PDE10A: variants seen among roughly 807,000 people sequenced by gnomAD.
PDE10A encodes cAMP and cAMP-inhibited cGMP 3',5'-cyclic phosphodiesterase 10A.
A neutral mutation model predicts 97.7 loss-of-function variants in PDE10A; 39 were observed. That is an observed-to-expected ratio of 0.40 (90% confidence interval 0.31 to 0.52). The LOEUF is 0.52. PDE10A is among the 20% of genes least tolerant of loss of function. PDE10A has a pLI of 0.56. For missense variants in PDE10A, 731 were observed against 1,047.8 expected (o/e 0.70, Z 4.17); for synonymous variants, 371 against 376.8 (o/e 0.98, Z 0.18).
chr6:165,947,648 T>G (rs1364359907), intron 1 of PDE10A, among the ~76,000 whole-genome samples: 1 of 152,218 alleles, frequency 6.6e-6, no homozygotes, highest in Non-Finnish European at 1.5e-5. Context: ...CATAAACGTA[T>G]TTTCCTAGCT....
chr6:165,488,357 G>A (rs1239724313), intron 2 of PDE10A, among the ~76,000 whole-genome samples: 2 of 152,140 alleles, frequency 1.3e-5, no homozygotes, highest in East Asian at 1.9e-4. Context: ...AAATAAATGC[G>A]CTAAGGGGAT....
chr6:165,730,506 C>A (rs1792403037), intron 1 of PDE10A, among the ~76,000 whole-genome samples: 1 of 152,178 alleles, frequency 6.6e-6, no homozygotes, highest in African/African-American at 2.4e-5. Flanking sequence ...AATCCCAGCA[C>A]TTTGGGAGCT....
intron 1 of PDE10A, among the ~76,000 whole-genome samples, chr6:165,604,907 T>C (rs1047670450): frequency 2.6e-5 from 4 of 152,198 alleles, no homozygotes; most frequent in Admixed American, 6.5e-5. Context: ...AAGTGAATAA[T>C]TCCTACACAG....
intron 1 of PDE10A, among the ~76,000 whole-genome samples, chr6:165,828,084 T>C (rs754970411): frequency 2.0e-5 from 3 of 152,206 alleles, no homozygotes; most frequent in South Asian, 2.1e-4. Context: ...GATTACCCAT[T>C]TGCAGAAGAA....
intron 1 of PDE10A, among the ~76,000 whole-genome samples, chr6:165,626,594 C>T (rs918557349): frequency 6.6e-6 from 1 of 152,178 alleles, no homozygotes; most frequent in Non-Finnish European, 1.5e-5. Flanking sequence ...TCTTTCACAG[C>T]TTACCTAAAA....
chr6:165,955,186 T>A (rs1784099090), intron 1 of PDE10A, among the ~76,000 whole-genome samples: 1 of 152,176 alleles, frequency 6.6e-6, no homozygotes, highest in Non-Finnish European at 1.5e-5. Flanking sequence ...CCCCAAGTTC[T>A]CCACATAGCC....
chr6:165,914,815 G>T (rs1357499916), intron 1 of PDE10A, among the ~76,000 whole-genome samples: 1 of 152,172 alleles, frequency 6.6e-6, no homozygotes, highest in Non-Finnish European at 1.5e-5. Flanking sequence ...GAAGTGTGGG[G>T]TATCTTAAAC....
chr6:165,930,085 T>C (rs1288302035), intron 1 of PDE10A, among the ~76,000 whole-genome samples: 2 of 139,572 alleles, frequency 1.4e-5, no homozygotes, highest in Non-Finnish European at 3.1e-5. Flanking sequence ...ACCAGGCACA[T>C]ATCACTCCAG....
chr6:165,831,781 G>A (rs1779926104), intron 1 of PDE10A, among the ~76,000 whole-genome samples: 1 of 152,044 alleles, frequency 6.6e-6, no homozygotes, highest in Non-Finnish European at 1.5e-5. Context: ...CACTGCACCC[G>A]GCCGCAGGAA....
chr6:165,839,679 C>T (rs1180807664), intron 1 of PDE10A, among the ~76,000 whole-genome samples: 3 of 125,332 alleles, frequency 2.4e-5, no homozygotes, highest in Non-Finnish European at 5.2e-5. Context: ...ATCCTGATGT[C>T]CGTGTCCATC....
chr6:165,895,493 T>C (rs1477888399), intron 1 of PDE10A, among the ~76,000 whole-genome samples: 1 of 152,210 alleles, frequency 6.6e-6, no homozygotes, highest in Non-Finnish European at 1.5e-5. Flanking sequence ...ACTTCTGGCC[T>C]CCACAACTGA....
chr6:165,433,791 G>A lies in PDE10A; in HGVS notation c.1336-662C>T, dbSNP rs190330908. ...AGCACTTTGGGAGGCCGAGGTGGGC[G>A]GATCACGAGGTCAGGAGATCGAGAC... On this transcript the variant is annotated intron_variant, in intron 6 of 21. Transcript: ENST00000539869. Among the ~76,000 whole-genome samples, 769 of 151,934 alleles carry A rather than the reference G, an allele frequency of 5.1e-3. 7 individuals are homozygous for A. The highest frequency in any genetic ancestry group is 3.8e-3 in the Non-Finnish European group (261 of 67,966).
intron 1 of PDE10A, among the ~76,000 whole-genome samples, chr6:165,826,876 A>T (rs1366647927): frequency 6.6e-6 from 1 of 151,368 alleles, no homozygotes; most frequent in Admixed American, 6.6e-5. Context: ...GGAGGGGCAC[A>T]GTGAGAGAGA....
intron 1 of PDE10A, among the ~76,000 whole-genome samples, chr6:165,721,680 C>T (rs531592249): frequency 4.1e-4 from 62 of 152,298 alleles, no homozygotes; most frequent in African/African-American, 1.4e-3. Context: ...CATTCCCATT[C>T]GAGAGAGATC....
chr6:165,896,285 G>A (rs528991329), intron 1 of PDE10A, among the ~76,000 whole-genome samples: 143 of 152,204 alleles, frequency 9.4e-4, no homozygotes, highest in Non-Finnish European at 1.4e-3. Context: ...ATTGAGGACA[G>A]CTTCCATGAC....
rs564851371 is a variant in PDE10A at position 165,371,285 on chromosome 6, C to A, written c.2783+7909G>T. Among the ~76,000 whole-genome samples the A allele has an allele frequency of 5.3e-5, 8 of 152,102 alleles. No individual in the cohort carries two copies. The East Asian group carries it at 1.2e-3, about 22-fold the overall frequency. On this transcript the variant is annotated intron_variant, in intron 18 of 21. Transcript: ENST00000539869. ...AAAACATTTCAAAAAATTAATGAAT[C>A]CAGGAGCTGGTTTTTTGAAAGGATC...
chr6:165,558,792 T>C (rs983263053), intron 1 of PDE10A, among the ~76,000 whole-genome samples: 4 of 152,054 alleles, frequency 2.6e-5, no homozygotes, highest in African/African-American at 9.7e-5. Flanking sequence ...AATAGTTAGA[T>C]GGATAAGCAT....
chr6:165,961,859 A>T (rs886102201), intron 1 of PDE10A, among the ~76,000 whole-genome samples: 3 of 152,202 alleles, frequency 2.0e-5, no homozygotes, highest in Non-Finnish European at 4.4e-5. Context: ...TCCACCCTCC[A>T]TCTGGGCACA....
At chr6:165,680,795 T>G (rs1474216744) in intron 1 of PDE10A, among the ~76,000 whole-genome samples, 1 of 152,108 alleles carries the variant, frequency 6.6e-6, no homozygotes, top group African/African-American at 2.4e-5. Flanking sequence ...TCCCAGCTAC[T>G]ATCGCTCGAA....
Sources: allele counts gnomAD v4.1 joint callset (sites outside exome capture counted in the v4.1 genomes callset), GRCh38; gene constraint gnomAD v4.1.1; transcripts MANE v1.5; gene names NCBI Gene and HGNC (gene_info 2026-07-23, HGNC 2026-07-21).